Variants in PRR16 observed in about 807,000 individuals in gnomAD.
PRR16 encodes proline rich 16.
PRR16 carries 6 observed loss-of-function variants against 18.2 expected under a neutral mutation model. That is an observed-to-expected ratio of 0.33 (90% CI 0.18 to 0.65). PRR16 has a LOEUF of 0.65. Ranked by LOEUF, PRR16 falls within the 30% of genes least tolerant of loss-of-function variation. The pLI, the probability that PRR16 is intolerant of heterozygous loss-of-function variation, is 0.74. For synonymous variants in PRR16, 151 were observed against 147.8 expected (o/e 1.02, Z -0.16); for missense variants, 412 against 376.6 (o/e 1.09, Z -0.78).
At chr5:120,652,021 G>C (rs1173136414) in intron 1 of PRR16, among the ~76,000 whole-genome samples, 1 of 152,038 alleles carries the variant, frequency 6.6e-6, no homozygotes, top group African/African-American at 2.4e-5. Context: ...GTGGTTTGTA[G>C]TTCTCCTTGA....
rs374473761 is a variant in PRR16, at chr5:120,486,989, C to G, written c.159+22344C>G. Among the ~76,000 whole-genome samples the G allele has an allele frequency of 3.3e-5, 5 of 152,254 alleles. No individual in the cohort carries two copies. In the South Asian group the frequency reaches 1.0e-3, roughly 32 times the overall value. ...TGGCATTATTTCTGAGGGCTCTGTT[C>G]TGTTCCATTGGTCTATATCTCTGTT... On this transcript the variant is annotated intron_variant, in intron 1 of 1. Transcript: ENST00000407149.
chr5:120,476,731 A>G (rs1304046142), intron 1 of PRR16, among the ~76,000 whole-genome samples: 1 of 152,166 alleles, frequency 6.6e-6, no homozygotes, highest in African/African-American at 2.4e-5. Flanking sequence ...CATACAAATG[A>G]AATAAGTGTT....
At chr5:120,666,671 G>A (rs1444228831) in intron 1 of PRR16, among the ~76,000 whole-genome samples, 2 of 150,666 alleles carry the variant, frequency 1.3e-5, no homozygotes, top group African/African-American at 4.9e-5. Flanking sequence ...AGCATGAAGG[G>A]TTGTTGAATT....
chr5:120,648,540 A>G (rs1755671981), intron 1 of PRR16, among the ~76,000 whole-genome samples: 1 of 151,890 alleles, frequency 6.6e-6, no homozygotes, highest in Non-Finnish European at 1.5e-5. Context: ...TTATTTTTCT[A>G]TTTTTCTTTC....
At chr5:120,563,293 G>A (rs964880006) in intron 1 of PRR16, among the ~76,000 whole-genome samples, 1 of 152,184 alleles carries the variant, frequency 6.6e-6, no homozygotes, top group African/African-American at 2.4e-5. Flanking sequence ...ATCAGCAAGT[G>A]GCAATGCCAG....
downstream of PRR16, among the ~76,000 whole-genome samples, chr5:120,689,883 G>A (rs1757189645): frequency 6.6e-6 from 1 of 151,674 alleles, no homozygotes. Context: ...AGTTATAGCA[G>A]TTATAAAGGG....
At chr5:120,669,361 C>T (rs1046794958) in intron 1 of PRR16, among the ~76,000 whole-genome samples, 1 of 151,926 alleles carries the variant, frequency 6.6e-6, no homozygotes, top group Non-Finnish European at 1.5e-5. Flanking sequence ...ATACACCTCC[C>T]CCATTTAGTT....
chr5:120,774,372 T>A, the PRR16 span, among the ~76,000 whole-genome samples: 7 of 152,298 alleles, frequency 4.6e-5, no homozygotes, highest in Admixed American at 1.3e-4. Flanking sequence ...AATTTTCTCA[T>A]GAATTTTTTT....
intron 1 of PRR16, among the ~76,000 whole-genome samples, chr5:120,548,345 C>A (rs971962330): frequency 9.9e-5 from 15 of 152,042 alleles, no homozygotes; most frequent in Admixed American, 9.8e-4. Context: ...TACATTATTG[C>A]TACACTTATA....
chr5:120,722,300 T>G, the PRR16 span, among the ~76,000 whole-genome samples: 1 of 152,058 alleles, frequency 6.6e-6, no homozygotes, highest in Non-Finnish European at 1.5e-5. Context: ...TCTGATACTA[T>G]CGTTCTGTAT....
chr5:120,520,243 A>C (rs1321708981), intron 1 of PRR16, among the ~76,000 whole-genome samples: 1 of 152,050 alleles, frequency 6.6e-6, no homozygotes, highest in Non-Finnish European at 1.5e-5. Flanking sequence ...AAAAATACAA[A>C]AATTAGCCAG....
the PRR16 span, among the ~76,000 whole-genome samples, chr5:120,774,452 A>G: frequency 1.4e-4 from 21 of 152,264 alleles, no homozygotes; most frequent in East Asian, 3.9e-3. Context: ...TATTCTCTGT[A>G]GTAAGACCTC....
At position 120,482,902 on chromosome 5, in the gene PRR16, A is replaced by T. The variant is rs141419247; in HGVS notation, c.159+18257A>T. ...AGTATATTTAGATGGCATAGGATGA[A>T]TAAGGAGTTTTCAGTGTCTGAACAA... On this transcript the variant is annotated intron_variant, in intron 1 of 1. Transcript: ENST00000407149. 1.7e-3 allele frequency among the ~76,000 whole-genome samples: 252 copies of T among 152,332 alleles called. 2 individuals carry two copies. The highest frequency in any genetic ancestry group is 5.7e-3 in the African/African-American group (239 of 41,574).
intron 1 of PRR16, among the ~76,000 whole-genome samples, chr5:120,656,334 G>A (rs1388071764): frequency 6.6e-6 from 1 of 151,458 alleles, no homozygotes; most frequent in African/African-American, 2.4e-5. Context: ...TTTTCTTATA[G>A]CACCTCTCTT....
chr5:120,483,498 C>G (rs1284744853), intron 1 of PRR16, among the ~76,000 whole-genome samples: 1 of 152,042 alleles, frequency 6.6e-6, no homozygotes, highest in African/African-American at 2.4e-5. Flanking sequence ...TTGCTAAACT[C>G]AATACATTTG....
At chr5:120,786,991 T>C in the PRR16 span, among the ~76,000 whole-genome samples, 26 of 152,228 alleles carry the variant, frequency 1.7e-4, 1 homozygote, top group Admixed American at 2.0e-4. Context: ...ACTTATATGG[T>C]TTTAAGCCAA....
At chr5:120,709,152 C>A in the PRR16 span, among the ~76,000 whole-genome samples, 1 of 150,952 alleles carries the variant, frequency 6.6e-6, no homozygotes, top group Non-Finnish European at 1.5e-5. Context: ...GGACTACAGG[C>A]GCCCGTCACC....
chr5:120,530,274 TATA>T (rs1751504686), intron 1 of PRR16, among the ~76,000 whole-genome samples: 1 of 125,522 alleles, frequency 8.0e-6, no homozygotes, highest in Non-Finnish European at 1.6e-5. Context: ...TATATATATA[TATA>T]TATATATTTA....
chr5:120,498,324 CATACATATATACAT>C (rs1437548031), intron 1 of PRR16, among the ~76,000 whole-genome samples: 1 of 148,304 alleles, frequency 6.7e-6, no homozygotes, highest in Non-Finnish European at 1.5e-5. Flanking sequence ...TATATATACA[CATACATATATACAT>C]ATACATATAT....
Sources: allele counts gnomAD v4.1 joint callset (sites outside exome capture counted in the v4.1 genomes callset), GRCh38; gene constraint gnomAD v4.1.1; transcripts MANE v1.5; gene names NCBI Gene and HGNC (gene_info 2026-07-23, HGNC 2026-07-21).